OSBPL9: variants seen among roughly 807,000 people sequenced by gnomAD.
OSBPL9 encodes oxysterol-binding protein-related protein 9.
Under a neutral mutation model 106.6 loss-of-function variants are expected in OSBPL9, and 40 were observed. The observed-to-expected ratio is 0.38, with a 90% CI of 0.29 to 0.49. The LOEUF is 0.49. Ranked by LOEUF, OSBPL9 falls within the 20% of genes least tolerant of loss-of-function variation. The probability of loss-of-function intolerance (pLI) is 0.97; values close to 1 mark genes in which losing one functional copy is unlikely to be tolerated. For missense variants in OSBPL9, 609 were observed against 887.2 expected, an observed-to-expected ratio of 0.69 and a Z score of 3.98; for synonymous variants, 269 against 295.4, an observed-to-expected ratio of 0.91 and a Z score of 0.92.
chr1:51,761,312 G>A (rs1557824441), intron 10 of OSBPL9, among the ~76,000 whole-genome samples: 1 of 150,642 alleles, frequency 6.6e-6, no homozygotes, highest in Non-Finnish European at 1.5e-5. Context: ...TGGCAAAGAA[G>A]GGCTCAGGGC....
chr1:51,678,628 T>A (rs2148792222), intron 3 of OSBPL9, among the ~76,000 whole-genome samples: 1 of 152,224 alleles, frequency 6.6e-6, no homozygotes, highest in East Asian at 1.9e-4. Context: ...GCCACTGCAC[T>A]CCAGCCTGGG....
At chr1:51,700,117 C>T (rs1047101050) in intron 3 of OSBPL9, among the ~76,000 whole-genome samples, 11 of 152,320 alleles carry the variant, frequency 7.2e-5, no homozygotes, top group African/African-American at 2.6e-4. Flanking sequence ...GTAAATGTCA[C>T]CATCACTCCA....
At position 51,656,295 on chromosome 1, in the gene OSBPL9, A is replaced by G. The variant is rs913824804; in HGVS notation, c.162+4254A>G. On this transcript the variant is annotated intron_variant, in intron 2 of 23. Transcript: ENST00000428468. ...GTAACTGCTATGGATGACAACGATGATGATGATGATGAATATGGTAGTGAT... is the reference window on the plus strand; with the variant it reads ...GTAACTGCTATGGATGACAACGATGGTGATGATGATGAATATGGTAGTGAT... 2.0e-5 allele frequency among the ~76,000 whole-genome samples: 3 copies of G among 152,168 alleles called. No individual in the cohort carries two copies. In the South Asian group the frequency reaches 6.2e-4, roughly 31 times the overall value.
intron 1 of OSBPL9, among the ~76,000 whole-genome samples, chr1:51,636,193 C>G (rs1220359327): frequency 9.0e-6 from 1 of 111,006 alleles, no homozygotes; most frequent in African/African-American, 3.5e-5. Flanking sequence ...CAGGGTCTTG[C>G]TTCGTTATCC....
rs3835387 is a variant in OSBPL9, at chr1:51,773,941, C to CGTTGTTGTT, written c.1170+1249_1170+1257dup. Among the ~76,000 whole-genome samples, 530 of 149,082 alleles carry CGTTGTTGTT rather than the reference C, an allele frequency of 3.6e-3. 4 individuals are homozygous for CGTTGTTGTT. The highest frequency in any genetic ancestry group is 0.011 in the African/African-American group (459 of 40,558). ...AATCATTAGATTGTACAGCTGCTGGCGTTGTTGTTGTTGTTGTTGTTGTTG... is the reference window on the plus strand; with the variant it reads ...AATCATTAGATTGTACAGCTGCTGGCGTTGTTGTTGTTGTTGTTGTTGTTGTTGTTGTTG... On this transcript the variant is annotated intron_variant, in intron 14 of 23. Coordinates refer to ENST00000428468, the MANE Select transcript of OSBPL9 (RefSeq NM_024586.6).
intron 3 of OSBPL9, among the ~76,000 whole-genome samples, chr1:51,711,240 T>C: frequency 6.7e-6 from 1 of 148,678 alleles, no homozygotes; most frequent in East Asian, 2.1e-4. Context: ...CCAGACGGGG[T>C]GGTGGCCGGG....
At chr1:51,617,025 C>T (rs1241359089), upstream of OSBPL9, 7 of 1,466,336 alleles carry the variant, frequency 4.8e-6, no homozygotes, top group Admixed American at 4.1e-5. Flanking sequence ...GGACCCGCCC[C>T]GCCCCCTGCG....
At chr1:51,710,936 C>A (rs899168100) in intron 3 of OSBPL9, among the ~76,000 whole-genome samples, 1 of 152,130 alleles carries the variant, frequency 6.6e-6, no homozygotes, top group Admixed American at 6.5e-5. Context: ...ACAGTGCTTC[C>A]GTGCCATGCT....
chr1:51,723,540 C>G (rs951208819), intron 4 of OSBPL9, among the ~76,000 whole-genome samples: 5 of 151,886 alleles, frequency 3.3e-5, no homozygotes, highest in Non-Finnish European at 5.9e-5. Flanking sequence ...TTTCCTGTTT[C>G]CTCTTTCTTC....
intron 4 of OSBPL9, among the ~76,000 whole-genome samples, chr1:51,722,869 G>A (rs930209559): frequency 2.0e-5 from 3 of 152,200 alleles, no homozygotes; most frequent in African/African-American, 7.2e-5. Flanking sequence ...GTGAAACTGT[G>A]TATCCTGTTT....
chr1:51,679,944 G>T (rs1370995652), intron 3 of OSBPL9, among the ~76,000 whole-genome samples: 1 of 152,094 alleles, frequency 6.6e-6, no homozygotes, highest in East Asian at 1.9e-4. Flanking sequence ...AGTATATATA[G>T]GGTTCAATAC....
chr1:51,638,983 A>G (rs115623498), intron 1 of OSBPL9, among the ~76,000 whole-genome samples: 42 of 152,196 alleles, frequency 2.8e-4, no homozygotes, highest in Admixed American at 2.0e-3. Context: ...AGTTGCTGCT[A>G]TCATTTCCTA....
At chr1:51,748,767 C>T (rs1461510047) in intron 7 of OSBPL9, among the ~76,000 whole-genome samples, 1 of 152,096 alleles carries the variant, frequency 6.6e-6, no homozygotes, top group Non-Finnish European at 1.5e-5. Context: ...TGGGCTCAAG[C>T]GATCCTCCTG....
chr1:51,737,545 GGTGTGT>G (rs57886494), intron 4 of OSBPL9, among the ~76,000 whole-genome samples: 5,528 of 142,444 alleles, frequency 0.039, 153 homozygotes, highest in Admixed American at 0.1. Context: ...ATATTTCAGG[GGTGTGT>G]GTGTGTGTGT....
At chr1:51,592,243 T>A (rs1645279717) in intron 1 of OSBPL9, among the ~76,000 whole-genome samples, 1 of 150,454 alleles carries the variant, frequency 6.6e-6, no homozygotes, top group African/African-American at 2.5e-5. Context: ...GCCTCCCGAG[T>A]AGCTGGGACT....
chr1:51,765,676 T>C (rs1330907294), intron 11 of OSBPL9, 146 bp from the exon 12 acceptor site: 63 of 629,120 alleles, frequency 1.0e-4, no homozygotes, highest in Non-Finnish European at 2.6e-6. Context: ...GGAGTTTAAA[T>C]GTTGATTTTC....
intron 14 of OSBPL9, among the ~76,000 whole-genome samples, chr1:51,775,751 C>T (rs901964565): frequency 3.3e-5 from 5 of 152,186 alleles, no homozygotes; most frequent in African/African-American, 4.8e-5. Context: ...GCTGGGACTA[C>T]GGGTGTGCGC....
chr1:51,788,739 A>C lies in OSBPL9; in HGVS notation c.*950A>C, dbSNP rs116317257. Reference sequence around the variant, plus strand: ...GAGGGTTTGGGAAGAGTGTGTATTTATAGATCCCCACCCCACAGTGAACAA... The same window carrying C: ...GAGGGTTTGGGAAGAGTGTGTATTTCTAGATCCCCACCCCACAGTGAACAA... On this transcript the variant is annotated 3_prime_UTR_variant, in exon 24 of 24. Coordinates refer to ENST00000428468, the MANE Select transcript of OSBPL9 (RefSeq NM_024586.6). 7.2e-5 allele frequency among the ~76,000 whole-genome samples: 11 copies of C among 152,202 alleles called. No homozygotes were observed. The highest frequency in any genetic ancestry group is 1.6e-4 in the Non-Finnish European group (11 of 68,028).
At chr1:51,647,740 C>T (rs1410039115) in intron 1 of OSBPL9, among the ~76,000 whole-genome samples, 1 of 151,250 alleles carries the variant, frequency 6.6e-6, no homozygotes, top group Non-Finnish European at 1.5e-5. Context: ...TTCTTTCATT[C>T]CTGATTTTAG....
Sources: gnomAD v4.1 joint callset for allele counts (sites outside exome capture counted in the v4.1 genomes callset) on GRCh38, gnomAD v4.1.1 for gene constraint, MANE v1.5 for transcripts, NCBI Gene and HGNC (gene_info 2026-07-23, HGNC 2026-07-21) for gene names.